Variants in RGL4 observed in about 807,000 individuals in gnomAD.
RGL4 encodes the protein ral guanine nucleotide dissociation stimulator like 4, also known as ral-GDS-related protein.
RGL4 carries 41 observed loss-of-function variants against 49.6 expected under a neutral mutation model. That is an observed-to-expected ratio of 0.83 (90% confidence interval 0.64 to 1.07). RGL4 has a LOEUF of 1.07. Ranked by LOEUF, RGL4 falls within the 50% of genes least tolerant of loss-of-function variation. The pLI is 0.00. For missense variants in RGL4, 610 were observed against 591.9 expected, an observed-to-expected ratio of 1.03 and a Z score of -0.32; for synonymous variants, 255 against 238.0, an observed-to-expected ratio of 1.07 and a Z score of -0.66.
chr22:23,698,395 G>C, intron 10 of RGL4, 62 bp downstream of exon 10: 1 of 1,547,860 alleles, frequency 6.5e-7, no homozygotes. Flanking sequence ...TTTTTAACAT[G>C]GTCTGGCTCT....
intron 10 of RGL4, chr22:23,698,639 G>A (rs767784591): frequency 1.3e-6 from 1 of 748,876 alleles, no homozygotes; most frequent in Non-Finnish European, 2.3e-6. Flanking sequence ...AAGTACTGAC[G>A]TTACAGGTGT....
chr22:23,696,192 C>T (rs777466182), intron 6 of RGL4: 31 of 790,806 alleles, frequency 3.9e-5, no homozygotes, highest in Non-Finnish European at 5.1e-5. Flanking sequence ...TGGGGAGCCA[C>T]TGCCCGCTCT....
chr22:23,697,706 G>A, intron 8 of RGL4, 132 bp from the exon 9 acceptor site: 1 of 961,184 alleles, frequency 1.0e-6, no homozygotes, highest in Non-Finnish European at 1.6e-6. Context: ...CGGAGCCTGA[G>A]GCAGGTCCAA....
chr22:23,698,374 T>C, intron 10 of RGL4, 41 bp downstream of exon 10: 2 of 1,568,280 alleles, frequency 1.3e-6, no homozygotes, highest in Non-Finnish European at 1.7e-6. Flanking sequence ...GAGAAGGCTC[T>C]CCATTTTTTT....
chr22:23,693,239 G>A lies in RGL4; in HGVS notation c.696+248G>A, dbSNP rs893338939. 6.0e-6 allele frequency: 4 copies of A among 663,762 alleles called. No homozygotes were observed. The African/African-American group carries it at 7.3e-5, about 12-fold the overall frequency. The allele number at this position is 663,762 out of a possible 1,614,324, so 41.1% of individuals were successfully genotyped here. On this transcript the variant is annotated intron_variant, in intron 3 of 10. Coordinates refer to ENST00000290691, the MANE Select transcript of RGL4 (RefSeq NM_153615.2). ...GTGACAGGAGATGGACAGAAAGCAG[G>A]GCAGGGCAGGTGCTCACTGTGGGGC...
chr22:23,697,836 A>T lies in RGL4; in HGVS notation c.1237-2A>T, dbSNP rs752435063. 6.2e-7 allele frequency: 1 copy of T among 1,606,532 alleles called. No individual in the cohort carries two copies. The highest frequency in any genetic ancestry group is 1.7e-5 in the Admixed American group (1 of 58,558). ...TTCTGATGGACTCTGTCTGCCTTCC[A>T]GGGCAACACCAACAAGAGGAGCAAG... On this transcript the variant is annotated splice_acceptor_variant, in intron 8 of 10. Coordinates refer to ENST00000290691, the MANE Select transcript of RGL4 (RefSeq NM_153615.2). LOFTEE classifies it high-confidence loss of function.
intron 5 of RGL4, 69 bp from the exon 6 acceptor site, chr22:23,694,881 A>T: frequency 8.0e-7 from 1 of 1,254,968 alleles, no homozygotes; most frequent in Non-Finnish European, 1.2e-6. Context: ...TTTTCAAACA[A>T]AAGGGACTGG....
intron 1 of RGL4, 37 bp downstream of exon 1, chr22:23,692,246 G>T (rs1024028459): frequency 6.2e-7 from 1 of 1,608,906 alleles, no homozygotes; most frequent in Non-Finnish European, 8.5e-7. Flanking sequence ...GCAGCAACAG[G>T]CCAGGGACCC....
rs747464969 is a variant in RGL4 at position 23,694,938 on chromosome 22, C to A, written c.1017-12C>A. 4.3e-6 allele frequency: 7 copies of A among 1,609,978 alleles called. No individual in the cohort carries two copies. The highest frequency in any genetic ancestry group is 3.3e-4 in the Middle Eastern group (2 of 6,068). ...TCCCAAATTTACCCTTCTTTCTTTCCTCTGCCCATAGCAAAAGCATGAAAG... is the reference window on the plus strand; with the variant it reads ...TCCCAAATTTACCCTTCTTTCTTTCATCTGCCCATAGCAAAAGCATGAAAG... On this transcript the variant is annotated splice_polypyrimidine_tract_variant and intron_variant, in intron 5 of 10. Coordinates refer to ENST00000290691, the MANE Select transcript of RGL4 (RefSeq NM_153615.2).
chr22:23,697,157 C>A lies in RGL4; in HGVS notation c.1162-14C>A, dbSNP rs369998567. ...CCACTACCCCTCCCACCTCCCCACC[C>A]CTCCTTGGCACAGGGTGTGGTCCCC... On this transcript the variant is annotated splice_polypyrimidine_tract_variant and intron_variant, in intron 7 of 10. Coordinates refer to ENST00000290691, the MANE Select transcript of RGL4 (RefSeq NM_153615.2). 1.1e-5 allele frequency: 17 copies of A among 1,606,028 alleles called. No homozygotes were observed. Among genetic ancestry groups the A allele is most frequent in the Non-Finnish European group, 1.4e-5 (17 of 1,174,280 alleles).
intron 6 of RGL4, 138 bp from the exon 7 acceptor site, chr22:23,696,476 G>A (rs1569120329): frequency 1.3e-6 from 2 of 1,553,146 alleles, no homozygotes; most frequent in African/African-American, 1.4e-5. Flanking sequence ...CACACAGGGA[G>A]TGTGGATCTG....
chr22:23,694,869 G>A (rs1601287247), intron 5 of RGL4, 81 bp from the exon 6 acceptor site: 1 of 1,111,044 alleles, frequency 9.0e-7, no homozygotes, highest in East Asian at 2.4e-5. Flanking sequence ...GGATTCACTG[G>A]GTTTTCAAAC....
At chr22:23,698,683 C>A in intron 10 of RGL4, 161 bp from the exon 11 acceptor site, 1 of 954,686 alleles carries the variant, frequency 1.0e-6, no homozygotes, top group Non-Finnish European at 1.6e-6. Context: ...GAGGCTCTCC[C>A]GTGGCCAGCT....
chr22:23,692,044 T>G lies in RGL4; in HGVS notation c.14T>G (p.Leu5Arg). 6.2e-7 allele frequency: 1 copy of G among 1,613,694 alleles called. No homozygotes were observed. Among genetic ancestry groups the G allele is most frequent in the Non-Finnish European group, 8.5e-7 (1 of 1,179,766 alleles). The change falls in exon 1 of 11, where the codon CTC (leucine) becomes CGC (arginine). Residue 5 changes from leucine to arginine, a missense_variant. Physicochemically the swap from Leu to Arg is moderately radical, Grantham distance 102. Coordinates refer to ENST00000290691, the MANE Select transcript of RGL4 (RefSeq NM_153615.2). MRKL[L>R]TNLPAAAVLS... ...TCTGGAGCTTTGATGAGGAAGCTGC[T>G]CACAAATCTGCCTGCAGCTGCAGTC...
chr22:23,697,205 AGT>A lies in RGL4; in HGVS notation c.1197_1198del (p.Glu399AspfsTer45). On this transcript the variant is annotated frameshift_variant, in exon 8 of 11. Coordinates refer to ENST00000290691, the MANE Select transcript of RGL4 (RefSeq NM_153615.2). LOFTEE classifies it high-confidence loss of function. ...CCCTTCCTGGGGGATTTTCTGACTG[AGT>A]TACAGAGGCTGGATTCGGCCATCCC... The A allele has an allele frequency of 6.2e-7, 1 of 1,613,364 alleles. No homozygotes were observed. The highest frequency in any genetic ancestry group is 8.5e-7 in the Non-Finnish European group (1 of 1,179,612).
At chr22:23,696,769 T>C (rs984143520) in intron 7 of RGL4, 81 bp downstream of exon 7, 1 of 1,269,832 alleles carries the variant, frequency 7.9e-7, no homozygotes, top group Non-Finnish European at 1.1e-6. Flanking sequence ...GGCCTCCATA[T>C]CAAGACAGCG....
chr22:23,694,944 C>T lies in RGL4; in HGVS notation c.1017-6C>T, dbSNP rs1292287256. 9 of 1,611,030 alleles carry T rather than the reference C, an allele frequency of 5.6e-6. No homozygotes were observed. The highest frequency in any genetic ancestry group is 1.3e-5 in the African/African-American group (1 of 74,916). ...ATTTACCCTTCTTTCTTTCCTCTGC[C>T]CATAGCAAAAGCATGAAAGAGCTAA... On this transcript the variant is annotated splice_polypyrimidine_tract_variant and splice_region_variant and intron_variant, in intron 5 of 10. Transcript: ENST00000290691.
At chr22:23,694,925 C>A in intron 5 of RGL4, 25 bp from the exon 6 acceptor site, 1 of 1,593,160 alleles carries the variant, frequency 6.3e-7, no homozygotes, top group Non-Finnish European at 8.6e-7. Context: ...CCAAATTTAC[C>A]CTTCTTTCTT....
rs568313951 is a variant in RGL4 at position 23,691,782 on chromosome 22, C to T, written c.-249C>T. On this transcript the variant is annotated 5_prime_UTR_variant, in exon 1 of 11. Transcript: ENST00000290691. ...GAGAGACTAAAGGAGCTCTGGGGCTCATACTTCTTATAATTCCCACGAGAA... is the reference window on the plus strand; with the variant it reads ...GAGAGACTAAAGGAGCTCTGGGGCTTATACTTCTTATAATTCCCACGAGAA... 4 of 459,380 alleles carry T rather than the reference C, an allele frequency of 8.7e-6. No individual in the cohort carries two copies. Among genetic ancestry groups the T allele is most frequent in the African/African-American group, 7.7e-5 (4 of 51,894 alleles). 28.5% of individuals were successfully genotyped at this position (459,380 alleles called of 1,614,324 possible). A position where few individuals can be genotyped will look rare whatever the true frequency, so the allele number is the denominator to read the frequency against.
Sources: allele counts gnomAD v4.1 joint callset, GRCh38; gene constraint gnomAD v4.1.1; transcripts MANE v1.5; gene names NCBI Gene and HGNC (gene_info 2026-07-23, HGNC 2026-07-21).